The following SLC35F3 variants were observed in gnomAD, a reference collection of about 807,000 sequenced individuals.
SLC35F3 encodes solute carrier family 35 member F3.
Under a neutral mutation model 49.9 loss-of-function variants are expected in SLC35F3, and 25 were observed. That is an observed-to-expected ratio of 0.50 (90% CI 0.37 to 0.70). The LOEUF (loss-of-function observed/expected upper bound fraction) is 0.70, where lower values mean the gene tolerates loss of function less well. Ranked by LOEUF, SLC35F3 falls within the 30% of genes least tolerant of loss-of-function variation. The pLI, the probability that SLC35F3 is intolerant of heterozygous loss-of-function variation, is 0.00. For synonymous variants in SLC35F3, 275 were observed against 265.4 expected, an observed-to-expected ratio of 1.04 and a Z score of -0.35; for missense variants, 525 against 639.8, an observed-to-expected ratio of 0.82 and a Z score of 1.94.
chr1:234,280,362 A>G lies in SLC35F3; in HGVS notation c.609-28739A>G, dbSNP rs143532727. Among the ~76,000 whole-genome samples, 953 of 152,372 alleles carry G rather than the reference A, an allele frequency of 6.3e-3. 6 individuals are homozygous for G. The highest frequency in any genetic ancestry group is 9.4e-3 in the Non-Finnish European group (639 of 68,030). On this transcript the variant is annotated intron_variant, in intron 3 of 7. Coordinates refer to ENST00000366618, the MANE Select transcript of SLC35F3 (RefSeq NM_173508.4). Reference sequence around the variant, plus strand: ...ACATTGGTGATACAGAGAAGGGGCTATAATTAGAGTAAGAGTAACTAATGG... The same window carrying G: ...ACATTGGTGATACAGAGAAGGGGCTGTAATTAGAGTAAGAGTAACTAATGG...
At chr1:234,125,967 A>G (rs1266234924) in intron 2 of SLC35F3, among the ~76,000 whole-genome samples, 1 of 152,192 alleles carries the variant, frequency 6.6e-6, no homozygotes, top group Admixed American at 6.5e-5. Flanking sequence ...TAGCTCTGCA[A>G]TCCTGAGCAA....
intron 2 of SLC35F3, among the ~76,000 whole-genome samples, chr1:234,172,640 C>T (rs1187532819): frequency 1.3e-5 from 2 of 152,194 alleles, no homozygotes; most frequent in Non-Finnish European, 2.9e-5. Context: ...CACTCACAAA[C>T]CTAGATGGTA....
intron 2 of SLC35F3, among the ~76,000 whole-genome samples, chr1:234,069,502 G>A (rs944626805): frequency 1.3e-5 from 2 of 151,902 alleles, no homozygotes; most frequent in Admixed American, 1.3e-4. Flanking sequence ...TGATCCACCC[G>A]CCTCAGCCTC....
At chr1:233,929,083 G>T (rs1395857071) in intron 2 of SLC35F3, among the ~76,000 whole-genome samples, 1 of 152,140 alleles carries the variant, frequency 6.6e-6, no homozygotes, top group African/African-American at 2.4e-5. Context: ...AAGTCAGAGG[G>T]CAAGGCAGTA....
intron 2 of SLC35F3, among the ~76,000 whole-genome samples, chr1:233,996,428 G>A (rs1228553328): frequency 1.3e-5 from 2 of 152,094 alleles, no homozygotes; most frequent in African/African-American, 2.4e-5. Flanking sequence ...GGGCAACTCT[G>A]TATGTGCATG....
At chr1:234,070,083 A>G (rs1664690243) in intron 2 of SLC35F3, among the ~76,000 whole-genome samples, 2 of 152,230 alleles carry the variant, frequency 1.3e-5, no homozygotes, top group Non-Finnish European at 2.9e-5. Context: ...GTGCAGAGCC[A>G]AAGAAGCCTG....
At chr1:234,019,523 T>G (rs1193979132) in intron 2 of SLC35F3, among the ~76,000 whole-genome samples, 1 of 152,138 alleles carries the variant, frequency 6.6e-6, no homozygotes, top group Non-Finnish European at 1.5e-5. Context: ...GGAGGCAGAA[T>G]TCTCTCTTCC....
At chr1:234,204,040 T>A (rs1406669188) in intron 2 of SLC35F3, among the ~76,000 whole-genome samples, 5 of 152,236 alleles carry the variant, frequency 3.3e-5, no homozygotes, top group African/African-American at 1.2e-4. Flanking sequence ...CCCTGTGTTA[T>A]TGAATAACTT....
chr1:234,155,944 A>G (rs139762730), intron 2 of SLC35F3, among the ~76,000 whole-genome samples: 134 of 152,258 alleles, frequency 8.8e-4, no homozygotes, highest in African/African-American at 2.8e-3. Context: ...CATTAAAAAT[A>G]TACTGATAAA....
chr1:234,168,529 C>G (rs1011775285), intron 2 of SLC35F3, among the ~76,000 whole-genome samples: 1 of 152,254 alleles, frequency 6.6e-6, no homozygotes, highest in African/African-American at 2.4e-5. Flanking sequence ...CTCCGGGCCG[C>G]CGTTCCAAGT....
At position 234,206,649 on chromosome 1, in the gene SLC35F3, G is replaced by A. The variant is rs1018625538; in HGVS notation, c.284-24768G>A. ...TATTGATATCCTGTTTACTACCAAG[G>A]TCCCCACCGTAGAGAGTTGACAGCC... On this transcript the variant is annotated intron_variant, in intron 2 of 7. Coordinates refer to ENST00000366618, the MANE Select transcript of SLC35F3 (RefSeq NM_173508.4). Among the ~76,000 whole-genome samples the A allele has an allele frequency of 2.0e-5, 3 of 152,064 alleles. No individual in the cohort carries two copies. In the South Asian group the frequency reaches 6.2e-4, roughly 32 times the overall value.
In SLC35F3 at chr1:233,905,115, G is replaced by T. The variant is rs1039497266; in HGVS notation, c.38G>T (p.Gly13Val). 4 of 1,561,088 alleles carry T rather than the reference G, an allele frequency of 2.6e-6. No homozygotes were observed. The highest frequency in any genetic ancestry group is 2.6e-6 in the Non-Finnish European group (3 of 1,151,512). The stretch of plus-strand genomic sequence containing the variant: ...GAGTTTCCCAGCGGCGCACCCAGGG[G>T]CAAGAGCATTGCCGTGTGAGTAGCG... ...IREFPSGAPR[G>V]KSIAVGMRRS... The change falls in exon 1 of 8, where the codon GGC (glycine) becomes GTC (valine). Residue 13 changes from glycine (G) to valine (V), a missense_variant. Transcript: ENST00000366618.
At chr1:233,926,317 C>T (rs10752776) in intron 2 of SLC35F3, among the ~76,000 whole-genome samples, 3 of 152,102 alleles carry the variant, frequency 2.0e-5, no homozygotes, top group Admixed American at 6.5e-5. Context: ...TATTTCTTGG[C>T]GGCTTTATTC....
intron 2 of SLC35F3, among the ~76,000 whole-genome samples, chr1:234,098,701 G>A (rs1371545438): frequency 6.6e-6 from 1 of 151,268 alleles, no homozygotes; most frequent in African/African-American, 2.4e-5. Context: ...TGTATTGGTG[G>A]TGGTAGTGGC....
intron 2 of SLC35F3, among the ~76,000 whole-genome samples, chr1:234,187,429 A>G (rs1666658870): frequency 1.3e-5 from 2 of 152,152 alleles, no homozygotes. Flanking sequence ...TGCAGCTTTC[A>G]CTCGGATGGA....
At chr1:233,913,805 A>G (rs979100685) in intron 2 of SLC35F3, among the ~76,000 whole-genome samples, 12 of 152,200 alleles carry the variant, frequency 7.9e-5, no homozygotes, top group Admixed American at 7.9e-4. Context: ...TGCTAAAAAC[A>G]CTGACAAGTA....
At chr1:233,948,559 C>CT (rs1445340531) in intron 2 of SLC35F3, among the ~76,000 whole-genome samples, 1 of 144,836 alleles carries the variant, frequency 6.9e-6, no homozygotes, top group Non-Finnish European at 1.5e-5. Context: ...TTTTTTTTTT[C>CT]TTTTTTTAAT....
chr1:234,264,612 T>C (rs562901), intron 3 of SLC35F3, among the ~76,000 whole-genome samples: 57,765 of 152,074 alleles, frequency 0.38, 11,777 homozygotes, highest in Non-Finnish European at 0.45. Context: ...AGTGGCATGA[T>C]CATAGCTCCA....
At chr1:234,219,489 CAT>C (rs1667170808) in intron 2 of SLC35F3, among the ~76,000 whole-genome samples, 1 of 152,180 alleles carries the variant, frequency 6.6e-6, no homozygotes, top group South Asian at 2.1e-4. Flanking sequence ...AGGAGTGAAA[CAT>C]AATCCTTGAT....
Sources: gnomAD v4.1 joint callset for allele counts (sites outside exome capture counted in the v4.1 genomes callset) on GRCh38, gnomAD v4.1.1 for gene constraint, MANE v1.5 for transcripts, NCBI Gene and HGNC (gene_info 2026-07-23, HGNC 2026-07-21) for gene names.